The following ADD3 variants were observed in gnomAD, a reference collection of about 807,000 sequenced individuals.
The protein encoded by ADD3 is adducin 3.
In ADD3, 25 loss-of-function variants were observed where a neutral mutation model predicts 80.2. The observed-to-expected ratio is 0.31, with a 90% CI of 0.23 to 0.44. The LOEUF is 0.44. ADD3 is among the 20% of genes least tolerant of loss of function. The pLI, the probability that ADD3 is intolerant of heterozygous loss-of-function variation, is 1.00. For missense variants in ADD3, 829 were observed against 847.5 expected (o/e 0.98, Z 0.27); for synonymous variants, 284 against 289.6 (o/e 0.98, Z 0.20).
At chr10:110,049,886 CA>C (rs1296672882) in intron 1 of ADD3, among the ~76,000 whole-genome samples, 3,015 of 61,052 alleles carry the variant, frequency 0.049, 62 homozygotes, top group African/African-American at 0.12. Context: ...GACTCCGTCT[CA>C]AAAAAAAAAA....
At position 110,031,821 on chromosome 10, in the gene ADD3, C is replaced by T. The variant is rs543624294; in HGVS notation, c.-30+23522C>T. On this transcript the variant is annotated intron_variant, in intron 1 of 14. Coordinates refer to ENST00000356080, the MANE Select transcript of ADD3 (RefSeq NM_016824.5). ...ATTATCTAAAACATGATTTGGAATA[C>T]GTATACATTTAGAACATAAGGTTTT... Among the ~76,000 whole-genome samples, 30 of 151,278 alleles carry T rather than the reference C, an allele frequency of 2.0e-4. No homozygotes were observed. In the East Asian group the frequency reaches 2.5e-3, roughly 13 times the overall value.
chr10:110,084,015 G>A (rs1180008478), intron 1 of ADD3, among the ~76,000 whole-genome samples: 7 of 152,090 alleles, frequency 4.6e-5, no homozygotes, highest in South Asian at 2.1e-4. Flanking sequence ...TAGGCTTTAA[G>A]TACAGCTAAA....
chr10:110,122,458 T>TA (rs1851624417), intron 9 of ADD3, among the ~76,000 whole-genome samples, 166 bp downstream of exon 9: 1 of 152,096 alleles, frequency 6.6e-6, no homozygotes, highest in Non-Finnish European at 1.5e-5. Context: ...AAACAGAACT[T>TA]ACAAATGTCG....
Position 110,122,145 on chromosome 10 carries a change from T to C in ADD3, c.996T>C (p.Asn332=), listed in dbSNP as rs771519716. 2.2e-5 allele frequency: 35 copies of C among 1,613,904 alleles called. No individual in the cohort carries two copies. Among genetic ancestry groups the C allele is most frequent in the Non-Finnish European group, 1.7e-6 (2 of 1,179,932 alleles). The change falls in exon 9 of 15, where the codon AAT becomes AAC. Residue 332 remains asparagine, a synonymous_variant. Coordinates refer to ENST00000356080, the MANE Select transcript of ADD3 (RefSeq NM_016824.5). ...QALAGAGGVD[N]LHVLDFQKYK... ...TAGCAGGTGCAGGTGGAGTAGACAA[T>C]CTCCATGTACTGGACTTTCAGAAGT...
chr10:110,024,081 T>C (rs897833263), intron 1 of ADD3, among the ~76,000 whole-genome samples: 3 of 152,160 alleles, frequency 2.0e-5, no homozygotes, highest in African/African-American at 7.2e-5. Context: ...TCCTGGGTGA[T>C]AGGATCAATT....
chr10:110,074,694 G>T (rs192094587), intron 1 of ADD3, among the ~76,000 whole-genome samples: 1 of 151,126 alleles, frequency 6.6e-6, no homozygotes, highest in Non-Finnish European at 1.5e-5. Flanking sequence ...GTCATTTTAT[G>T]TACTGAAAAT....
At chr10:110,070,943 G>T (rs12256252) in intron 1 of ADD3, among the ~76,000 whole-genome samples, 16 of 103,452 alleles carry the variant, frequency 1.5e-4, no homozygotes, top group African/African-American at 6.3e-4. Flanking sequence ...CATCATGTGG[G>T]TTTTTTTTTT....
chr10:110,109,416 CTTTATTTTTCTTACCTATA>C (rs1056859742), intron 2 of ADD3, among the ~76,000 whole-genome samples: 4 of 152,134 alleles, frequency 2.6e-5, no homozygotes, highest in African/African-American at 9.7e-5. Context: ...TTCTCTTCAG[CTTTATTTTTCTTACCTATA>C]TTTATTTTTG....
At chr10:110,032,151 G>A (rs1855118146) in intron 1 of ADD3, among the ~76,000 whole-genome samples, 1 of 152,276 alleles carries the variant, frequency 6.6e-6, no homozygotes, top group South Asian at 2.1e-4. Flanking sequence ...GATTTTTATA[G>A]ACAAAGAGGG....
intron 1 of ADD3, among the ~76,000 whole-genome samples, chr10:110,064,904 A>G (rs1363531970): frequency 6.6e-6 from 1 of 152,206 alleles, no homozygotes; most frequent in African/African-American, 2.4e-5. Context: ...CAAAAAATAC[A>G]AAAATTAGCC....
upstream of ADD3, among the ~76,000 whole-genome samples, chr10:110,003,811 A>G (rs1460001450): frequency 6.6e-6 from 1 of 152,246 alleles, no homozygotes; most frequent in African/African-American, 2.4e-5. Context: ...AAAGAGCTCT[A>G]CAGAAAAGAG....
chr10:110,124,866 T>A (rs1183957296), intron 10 of ADD3, among the ~76,000 whole-genome samples: 2 of 152,220 alleles, frequency 1.3e-5, no homozygotes, highest in Admixed American at 1.3e-4. Context: ...TGGCCCAGGA[T>A]GGCTTTGGAT....
At chr10:110,001,816 G>A (rs1233696576), upstream of ADD3, among the ~76,000 whole-genome samples, 1 of 152,126 alleles carries the variant, frequency 6.6e-6, no homozygotes, top group Non-Finnish European at 1.5e-5. Context: ...TTACTTTCTA[G>A]AAATACTGTC....
chr10:110,132,924 CAAAAAAA>C (rs60435351), intron 14 of ADD3, among the ~76,000 whole-genome samples: 3 of 66,276 alleles, frequency 4.5e-5, no homozygotes, highest in Non-Finnish European at 9.9e-5. Flanking sequence ...GACTCCGCCT[CAAAAAAA>C]AAAAAAAAAA....
intron 9 of ADD3, 123 bp downstream of exon 9, chr10:110,122,415 T>C: frequency 1.2e-6 from 1 of 826,408 alleles, no homozygotes; most frequent in Admixed American, 2.7e-5. Flanking sequence ...TAGGAAAGCA[T>C]TTCATTGTTA....
intron 1 of ADD3, among the ~76,000 whole-genome samples, chr10:110,080,144 G>A (rs1157507787): frequency 6.6e-6 from 1 of 152,142 alleles, no homozygotes; most frequent in African/African-American, 2.4e-5. Flanking sequence ...CATGGGTCGG[G>A]GTGGGTAAGA....
At chr10:109,997,676 G>A (rs893265798) in intron 1 of ADD3, 9 of 152,252 alleles carry the variant, frequency 5.9e-5, no homozygotes, top group African/African-American at 2.2e-4. Context: ...ATTTGGGAAT[G>A]CCATTGAATT....
chr10:110,002,831 G>C (rs1303092391), upstream of ADD3, among the ~76,000 whole-genome samples: 5 of 152,172 alleles, frequency 3.3e-5, no homozygotes, highest in Non-Finnish European at 7.3e-5. Context: ...AGATCTTTCA[G>C]ATATTTAGCT....
Position 110,072,295 on chromosome 10 carries a change from G to C in ADD3, c.-29-28330G>C, listed in dbSNP as rs192653012. Among the ~76,000 whole-genome samples, 711 of 152,258 alleles carry C rather than the reference G, an allele frequency of 4.7e-3. 4 individuals are homozygous for C. The highest frequency in any genetic ancestry group is 0.016 in the African/African-American group (673 of 41,542). ...TTAGCCAGGATGGTCTCAATCTCCT[G>C]ATCTCGTGATCCCCCAGCCTCGGCC... On this transcript the variant is annotated intron_variant, in intron 1 of 14. Coordinates refer to ENST00000356080, the MANE Select transcript of ADD3 (RefSeq NM_016824.5).
Sources: gnomAD v4.1 joint callset for allele counts (sites outside exome capture counted in the v4.1 genomes callset) on GRCh38, gnomAD v4.1.1 for gene constraint, MANE v1.5 for transcripts, NCBI Gene and HGNC (gene_info 2026-07-23, HGNC 2026-07-21) for gene names.